EPHA6: variants seen among roughly 807,000 people sequenced by gnomAD.
The protein encoded by EPHA6 is ephrin type-A receptor 6.
A neutral mutation model predicts 112.0 loss-of-function variants in EPHA6; 50 were observed. The ratio of observed to expected loss-of-function variants is 0.45; its 90% CI spans 0.36 to 0.56. The LOEUF (loss-of-function observed/expected upper bound fraction) is 0.56, where lower values mean the gene tolerates loss of function less well. EPHA6 is among the 20% of genes least tolerant of loss of function. EPHA6 has a pLI of 0.00. For synonymous variants in EPHA6, 529 were observed against 490.7 expected, an observed-to-expected ratio of 1.08 and a Z score of -1.03; for missense variants, 1,280 against 1,417.4, an observed-to-expected ratio of 0.90 and a Z score of 1.56.
intron 3 of EPHA6, among the ~76,000 whole-genome samples, chr3:97,148,685 A>T (rs1559757894): frequency 6.6e-6 from 1 of 152,130 alleles, no homozygotes; most frequent in African/African-American, 2.4e-5. Flanking sequence ...AATGTTGCAT[A>T]GAACTCTGAC....
chr3:96,870,877 A>G (rs557527310), intron 2 of EPHA6, among the ~76,000 whole-genome samples: 2 of 152,152 alleles, frequency 1.3e-5, no homozygotes, highest in East Asian at 3.9e-4. Context: ...TTATAATGCA[A>G]TTTATATATT....
At chr3:97,587,416 T>C (rs2093500720) in intron 11 of EPHA6, among the ~76,000 whole-genome samples, 1 of 152,174 alleles carries the variant, frequency 6.6e-6, no homozygotes, top group African/African-American at 2.4e-5. Context: ...TTTATGCTTA[T>C]TATAAAACAT....
At chr3:97,439,739 T>A (rs1383163838) in intron 6 of EPHA6, 3 of 472,452 alleles carry the variant, frequency 6.3e-6, no homozygotes, top group Non-Finnish European at 8.3e-6. Context: ...GGAAAAGAAT[T>A]ATATAGTTAT....
At chr3:97,673,328 C>T (rs940882193) in intron 14 of EPHA6, among the ~76,000 whole-genome samples, 1 of 152,092 alleles carries the variant, frequency 6.6e-6, no homozygotes, top group Non-Finnish European at 1.5e-5. Context: ...TGGTGTTACT[C>T]GGGAATGGGA....
chr3:96,951,371 G>T (rs568300073), intron 2 of EPHA6, among the ~76,000 whole-genome samples: 6 of 152,108 alleles, frequency 3.9e-5, no homozygotes, highest in African/African-American at 1.4e-4. Flanking sequence ...CATTTATAAA[G>T]TAATCATTAC....
At chr3:97,731,083 AAT>A (rs1348439203) in intron 15 of EPHA6, among the ~76,000 whole-genome samples, 1 of 152,104 alleles carries the variant, frequency 6.6e-6, no homozygotes, top group Non-Finnish European at 1.5e-5. Context: ...CAAGGAGACT[AAT>A]GGGGGGCCTT....
intron 3 of EPHA6, among the ~76,000 whole-genome samples, chr3:97,133,363 A>G (rs894181160): frequency 2.6e-5 from 4 of 152,062 alleles, no homozygotes; most frequent in Non-Finnish European, 5.9e-5. Context: ...TGAAAGAGTA[A>G]GTTGATGTAA....
chr3:97,508,423 A>G (rs1169440879), intron 10 of EPHA6, among the ~76,000 whole-genome samples: 2 of 152,278 alleles, frequency 1.3e-5, no homozygotes, highest in Non-Finnish European at 2.9e-5. Context: ...TTATTTACCC[A>G]GTAGTCATCC....
intron 3 of EPHA6, among the ~76,000 whole-genome samples, chr3:97,225,387 T>C (rs2078325451): frequency 6.6e-6 from 1 of 152,212 alleles, no homozygotes. Flanking sequence ...TTGTGATACA[T>C]TGTCATAACT....
chr3:97,610,768 T>C (rs2107457908), intron 12 of EPHA6, 25 bp from the exon 13 acceptor site: 1 of 1,594,052 alleles, frequency 6.3e-7, no homozygotes, highest in Non-Finnish European at 8.6e-7. Flanking sequence ...CTCTAATCCA[T>C]GTGTATTCTC....
At chr3:97,273,458 G>T (rs1435036430) in intron 5 of EPHA6, among the ~76,000 whole-genome samples, 1 of 152,172 alleles carries the variant, frequency 6.6e-6, no homozygotes, top group Non-Finnish European at 1.5e-5. Context: ...AGTTGATCTG[G>T]TGTCTGGAAT....
At chr3:97,354,482 CAG>C (rs1176700193) in intron 5 of EPHA6, among the ~76,000 whole-genome samples, 4 of 151,916 alleles carry the variant, frequency 2.6e-5, no homozygotes, top group Admixed American at 2.6e-4. Context: ...AAGAATGCAT[CAG>C]AGTCTCTCAA....
rs559268566 is a variant in EPHA6, at chr3:97,061,661, G to C, written c.1114+73668G>C. Among the ~76,000 whole-genome samples, 3 of 152,262 alleles carry C rather than the reference G, an allele frequency of 2.0e-5. No homozygotes were observed. In the South Asian group the frequency reaches 6.2e-4, roughly 32 times the overall value. On this transcript the variant is annotated intron_variant, in intron 3 of 17. Transcript: ENST00000389672. Reference sequence around the variant, plus strand: ...TAAAAAGAAATAAGACTGTGCTTTGGATGTCCTATCTCTGAAAGTGGCTAT... The same window carrying C: ...TAAAAAGAAATAAGACTGTGCTTTGCATGTCCTATCTCTGAAAGTGGCTAT...
In EPHA6 at chr3:97,314,866, T is replaced by A. The variant is rs932017759; in HGVS notation, c.1606+70579T>A. On this transcript the variant is annotated intron_variant, in intron 5 of 17. Coordinates refer to ENST00000389672, the MANE Select transcript of EPHA6 (RefSeq NM_001080448.3). ...AGTCATCAATATCACACATATCATATATGCCAAGTCTTCAAATCACTATCA... is the reference window on the plus strand; with the variant it reads ...AGTCATCAATATCACACATATCATAAATGCCAAGTCTTCAAATCACTATCA... Among the ~76,000 whole-genome samples the A allele has an allele frequency of 7.9e-5, 12 of 151,790 alleles. No individual in the cohort carries two copies. The South Asian group carries it at 2.5e-3, about 31-fold the overall frequency.
In EPHA6 at chr3:97,516,627, T is replaced by C. The variant is rs560552339; in HGVS notation, c.2201-15731T>C. ...ACTTCAAGAGACGAATACACATCCG[T>C]CTAGAACTGAATTAAAAATCTAATG... is the stretch of plus-strand genomic sequence containing the variant. On this transcript the variant is annotated intron_variant, in intron 10 of 17. Coordinates refer to ENST00000389672, the MANE Select transcript of EPHA6 (RefSeq NM_001080448.3). 1.8e-4 allele frequency among the ~76,000 whole-genome samples: 27 copies of C among 152,280 alleles called. No individual in the cohort carries two copies. In the East Asian group the frequency reaches 5.2e-3, roughly 29 times the overall value.
chr3:97,032,559 C>A (rs2044906889), intron 3 of EPHA6, among the ~76,000 whole-genome samples: 1 of 152,022 alleles, frequency 6.6e-6, no homozygotes, highest in Non-Finnish European at 1.5e-5. Context: ...ATGAAGGTCA[C>A]AATTCCTATT....
At position 97,749,261 on chromosome 3, in the gene EPHA6, T is replaced by C. The variant is rs2035835793; in HGVS notation, c.*560T>C. 4.6e-6 allele frequency: 1 copy of C among 216,312 alleles called. No homozygotes were observed. The allele number at this position is 216,312 out of a possible 1,614,324, so 13.4% of individuals were successfully genotyped here. A position where few individuals can be genotyped will look rare whatever the true frequency, so the allele number is the denominator to read the frequency against. The stretch of plus-strand genomic sequence containing the variant: ...AGAAATGACCAGTGATATCATGTAA[T>C]GAATTTTTGTGAGGTATGACTATGG... On this transcript the variant is annotated 3_prime_UTR_variant, in exon 18 of 18. Transcript: ENST00000389672.
At chr3:97,199,160 C>T (rs2108494162) in intron 3 of EPHA6, among the ~76,000 whole-genome samples, 1 of 152,132 alleles carries the variant, frequency 6.6e-6, no homozygotes, top group Non-Finnish European at 1.5e-5. Context: ...AATATCTTTT[C>T]TGAAAATAAT....
chr3:97,388,344 G>A (rs2086194689), intron 5 of EPHA6, among the ~76,000 whole-genome samples: 1 of 151,922 alleles, frequency 6.6e-6, no homozygotes, highest in Non-Finnish European at 1.5e-5. Flanking sequence ...GTGATTTAGG[G>A]GCTGCAAATT....
Sources: allele counts gnomAD v4.1 joint callset (sites outside exome capture counted in the v4.1 genomes callset), GRCh38; gene constraint gnomAD v4.1.1; transcripts MANE v1.5; gene names NCBI Gene and HGNC (gene_info 2026-07-23, HGNC 2026-07-21).